The following GRK3 variants were observed in gnomAD, a reference collection of about 807,000 sequenced individuals.
GRK3 encodes the protein G protein-coupled receptor kinase 3, also known as adrenergic, beta, receptor kinase 2.
Under a neutral mutation model 95.7 loss-of-function variants are expected in GRK3, and 54 were observed. The observed-to-expected ratio is 0.56, with a 90% confidence interval of 0.45 to 0.71. GRK3 has a LOEUF of 0.71. Among genes scored for constraint, GRK3 ranks in the 30% least tolerant of loss-of-function variants. The pLI is 0.00. For missense variants in GRK3, 649 were observed against 851.2 expected (o/e 0.76, Z 2.96); for synonymous variants, 281 against 290.8 (o/e 0.97, Z 0.34).
At chr22:25,699,648 A>C (rs2085240543) in intron 13 of GRK3, among the ~76,000 whole-genome samples, 1 of 151,528 alleles carries the variant, frequency 6.6e-6, no homozygotes, top group Admixed American at 6.6e-5. Flanking sequence ...AGGTGGAATC[A>C]ATGGCCACCA....
intron 2 of GRK3, among the ~76,000 whole-genome samples, chr22:25,604,754 AC>A (rs1320761599): frequency 6.6e-6 from 1 of 152,206 alleles, no homozygotes; most frequent in Non-Finnish European, 1.5e-5. Context: ...CCTCGTGGTT[AC>A]TGAGGTGGTT....
At chr22:25,670,528 C>T (rs1329592867) in intron 6 of GRK3, among the ~76,000 whole-genome samples, 3 of 151,726 alleles carry the variant, frequency 2.0e-5, no homozygotes, top group Admixed American at 6.6e-5. Flanking sequence ...TTGTAAAGCT[C>T]ATTAAATGAA....
chr22:25,618,601 C>T (rs1381381628), intron 2 of GRK3, among the ~76,000 whole-genome samples: 3 of 152,150 alleles, frequency 2.0e-5, no homozygotes, highest in African/African-American at 7.2e-5. Context: ...GGAGTGAAGT[C>T]TCCCATCCTT....
Position 25,722,554 on chromosome 22 carries a change from C to T in GRK3, c.*104C>T. 1.6e-6 allele frequency: 2 copies of T among 1,272,108 alleles called. No homozygotes were observed. The highest frequency in any genetic ancestry group is 2.2e-6 in the Non-Finnish European group (2 of 919,112). 78.8% of individuals were successfully genotyped at this position (1,272,108 alleles called of 1,614,324 possible). A position where few individuals can be genotyped will look rare whatever the true frequency, so the allele number is the denominator to read the frequency against. On this transcript the variant is annotated 3_prime_UTR_variant, in exon 21 of 21. Coordinates refer to ENST00000324198, the MANE Select transcript of GRK3 (RefSeq NM_005160.4). Reference sequence around the variant, plus strand: ...GATCTATTCGCTACCGGGACTCCTCCAGGCTCCCGAGAGGAGTCGGGACCC... The same window carrying T: ...GATCTATTCGCTACCGGGACTCCTCTAGGCTCCCGAGAGGAGTCGGGACCC...
Position 25,722,543 on chromosome 22 carries a change from C to A in GRK3, c.*93C>A. ...ATGAGGCATCTGATCTATTCGCTAC[C>A]GGGACTCCTCCAGGCTCCCGAGAGG... On this transcript the variant is annotated 3_prime_UTR_variant, in exon 21 of 21. Coordinates refer to ENST00000324198, the MANE Select transcript of GRK3 (RefSeq NM_005160.4). 7.3e-7 allele frequency: 1 copy of A among 1,370,324 alleles called. No homozygotes were observed. The highest frequency in any genetic ancestry group is 2.4e-5 in the East Asian group (1 of 41,826). The allele number at this position is 1,370,324 out of a possible 1,614,324, so 84.9% of individuals were successfully genotyped here.
chr22:25,566,393 A>G (rs1931486113), intron 1 of GRK3, among the ~76,000 whole-genome samples: 1 of 152,220 alleles, frequency 6.6e-6, no homozygotes, highest in African/African-American at 2.4e-5. Context: ...TTTTTTTTAC[A>G]AGTCATCCAT....
At chr22:25,608,890 T>G (rs151229836) in intron 2 of GRK3, among the ~76,000 whole-genome samples, 3,283 of 152,322 alleles carry the variant, frequency 0.022, 56 homozygotes, top group Middle Eastern at 0.068. Flanking sequence ...CTGGTGACTT[T>G]TGACACATGA....
intron 1 of GRK3, among the ~76,000 whole-genome samples, chr22:25,571,545 A>G (rs969514031): frequency 1.3e-5 from 2 of 152,136 alleles, no homozygotes; most frequent in African/African-American, 4.8e-5. Context: ...CACTTATACT[A>G]TAGGGTTATT....
intron 9 of GRK3, among the ~76,000 whole-genome samples, chr22:25,682,394 G>T (rs2085081932): frequency 6.6e-6 from 1 of 152,094 alleles, no homozygotes; most frequent in African/African-American, 2.4e-5. Flanking sequence ...TCGGAGATAG[G>T]GGCTCTATCT....
chr22:25,583,883 G>A (rs1362234872), intron 1 of GRK3, among the ~76,000 whole-genome samples: 2 of 152,144 alleles, frequency 1.3e-5, no homozygotes, highest in African/African-American at 4.8e-5. Context: ...TATTGTATAG[G>A]TTATAACATC....
At chr22:25,643,039 AC>A (rs2084754828) in intron 2 of GRK3, among the ~76,000 whole-genome samples, 1 of 152,198 alleles carries the variant, frequency 6.6e-6, no homozygotes, top group African/African-American at 2.4e-5. Context: ...ATTAAACTAC[AC>A]CCTTCTGAAG....
intron 16 of GRK3, 131 bp from the exon 17 acceptor site, chr22:25,710,936 AC>A: frequency 2.2e-6 from 1 of 458,556 alleles, no homozygotes. Context: ...GTGATTTGTT[AC>A]AAGTTTGAAT....
At chr22:25,720,905 ACACCTTTGGCT>A (rs1480337220) in intron 19 of GRK3, among the ~76,000 whole-genome samples, 2 of 152,268 alleles carry the variant, frequency 1.3e-5, no homozygotes, top group East Asian at 3.9e-4. Context: ...ACTGAACCAC[ACACCTTTGGCT>A]CACATAAATC....
rs928207231 is a variant in GRK3, at chr22:25,727,513, T to C, written c.*5063T>C. 6.6e-6 allele frequency: 1 copy of C among 152,256 alleles called. No homozygotes were observed. The highest frequency in any genetic ancestry group is 2.1e-4 in the South Asian group (1 of 4,834). 9.4% of individuals were successfully genotyped at this position (152,256 alleles called of 1,614,324 possible). On this transcript the variant is annotated 3_prime_UTR_variant, in exon 21 of 21. Coordinates refer to ENST00000324198, the MANE Select transcript of GRK3 (RefSeq NM_005160.4). ...TCTGACCTGGCTGTGTTAGCACTGA[T>C]TGAGAAACGCAGGCTCCCAAATTTT...
intron 3 of GRK3, among the ~76,000 whole-genome samples, chr22:25,645,479 C>T (rs913601908): frequency 1.3e-5 from 2 of 152,174 alleles, no homozygotes; most frequent in Non-Finnish European, 2.9e-5. Context: ...TGTGATTAGT[C>T]ACCCTTTCAA....
chr22:25,650,722 G>C (rs1326643739), intron 3 of GRK3, among the ~76,000 whole-genome samples: 1 of 152,178 alleles, frequency 6.6e-6, no homozygotes, highest in East Asian at 1.9e-4. Flanking sequence ...AGACTTTTAA[G>C]AGTTATAAGG....
At chr22:25,626,159 G>A (rs970987420) in intron 2 of GRK3, among the ~76,000 whole-genome samples, 1 of 152,180 alleles carries the variant, frequency 6.6e-6, no homozygotes, top group Non-Finnish European at 1.5e-5. Flanking sequence ...TTGATCTCCT[G>A]ACCTTGTGAT....
At chr22:25,702,804 G>C (rs758289116) in intron 13 of GRK3, 6 of 455,796 alleles carry the variant, frequency 1.3e-5, no homozygotes, top group African/African-American at 1.2e-4. Context: ...TCCCTTCACT[G>C]CTTCTGTGAA....
intron 1 of GRK3, among the ~76,000 whole-genome samples, chr22:25,576,576 CTCA>C (rs1346785825): frequency 2.8e-4 from 43 of 152,288 alleles, no homozygotes; most frequent in African/African-American, 1.0e-3. Context: ...CTCTGTAATA[CTCA>C]TCATCTTATT....
Sources: allele counts gnomAD v4.1 joint callset (sites outside exome capture counted in the v4.1 genomes callset), GRCh38; gene constraint gnomAD v4.1.1; transcripts MANE v1.5; gene names NCBI Gene and HGNC (gene_info 2026-07-23, HGNC 2026-07-21).